The following TMTC2 variants were observed in gnomAD, a reference collection of about 807,000 sequenced individuals.
TMTC2 encodes the protein protein O-mannosyl-transferase TMTC2.
In TMTC2, 43 loss-of-function variants were observed where a neutral mutation model predicts 82.4. That is an observed-to-expected ratio of 0.52 (90% CI 0.41 to 0.67). The LOEUF (loss-of-function observed/expected upper bound fraction) is 0.67, where lower values mean the gene tolerates loss of function less well. Among genes scored for constraint, TMTC2 ranks in the 30% least tolerant of loss-of-function variants. The pLI is 0.00. For missense variants in TMTC2, 919 were observed against 1,012.4 expected (o/e 0.91, Z 1.25); for synonymous variants, 408 against 381.9 (o/e 1.07, Z -0.80).
chr12:82,940,580 T>C (rs1016767088), intron 4 of TMTC2, among the ~76,000 whole-genome samples: 6 of 152,076 alleles, frequency 3.9e-5, no homozygotes, highest in Non-Finnish European at 8.8e-5. Flanking sequence ...AGAAGGTTCT[T>C]TCTTGGAGTT....
intron 10 of TMTC2, among the ~76,000 whole-genome samples, chr12:83,057,543 G>A (rs1234344019): frequency 2.0e-5 from 3 of 151,792 alleles, no homozygotes; most frequent in Non-Finnish European, 4.4e-5. Flanking sequence ...ACATTTTTAT[G>A]TCTTTGATTA....
chr12:82,889,140 G>A (rs1873260835), intron 2 of TMTC2, among the ~76,000 whole-genome samples: 1 of 151,856 alleles, frequency 6.6e-6, no homozygotes, highest in Admixed American at 6.6e-5. Flanking sequence ...AGCCAGGCGT[G>A]GTGGCACACA....
intron 1 of TMTC2, among the ~76,000 whole-genome samples, chr12:82,698,402 C>A (rs371064989): frequency 2.6e-4 from 39 of 152,238 alleles, no homozygotes; most frequent in African/African-American, 8.4e-4. Flanking sequence ...CTGCCAACCA[C>A]AGAGTGAGAC....
At chr12:82,980,708 G>A (rs1269053674) in intron 7 of TMTC2, among the ~76,000 whole-genome samples, 2 of 151,814 alleles carry the variant, frequency 1.3e-5, no homozygotes, top group East Asian at 1.9e-4. Context: ...TCTAAAACGT[G>A]TATAATTTTT....
intron 10 of TMTC2, among the ~76,000 whole-genome samples, chr12:83,061,493 G>T (rs961931524): frequency 3.3e-5 from 5 of 151,644 alleles, no homozygotes; most frequent in African/African-American, 4.8e-5. Context: ...ACCTAGTTTT[G>T]CATGGAAAAG....
At chr12:82,889,403 A>C (rs959417660) in intron 2 of TMTC2, among the ~76,000 whole-genome samples, 2 of 152,168 alleles carry the variant, frequency 1.3e-5, no homozygotes, top group Non-Finnish European at 2.9e-5. Context: ...CAAGTTGTCA[A>C]ACCTTTTAGT....
intron 2 of TMTC2, among the ~76,000 whole-genome samples, chr12:82,876,084 A>G (rs1310382869): frequency 2.8e-4 from 30 of 105,976 alleles, no homozygotes; most frequent in East Asian, 9.2e-4. Context: ...GATGATGGTG[A>G]TTAGTATTCA....
chr12:83,116,557 G>A (rs1884768291), intron 11 of TMTC2, among the ~76,000 whole-genome samples: 1 of 152,206 alleles, frequency 6.6e-6, no homozygotes, highest in African/African-American at 2.4e-5. Context: ...GTCACCAGCA[G>A]TGTAGAAGTG....
At chr12:82,970,647 A>G (rs1278749387) in intron 7 of TMTC2, among the ~76,000 whole-genome samples, 1 of 152,202 alleles carries the variant, frequency 6.6e-6, no homozygotes, top group Non-Finnish European at 1.5e-5. Flanking sequence ...TAGGCTTTTA[A>G]ACTCCAAAAG....
At chr12:82,997,941 A>G (rs1440652427) in intron 8 of TMTC2, among the ~76,000 whole-genome samples, 1 of 152,178 alleles carries the variant, frequency 6.6e-6, no homozygotes, top group East Asian at 1.9e-4. Context: ...TTCAAGTTGA[A>G]TCCATTTATC....
At chr12:83,096,463 A>G (rs1884033469) in intron 11 of TMTC2, among the ~76,000 whole-genome samples, 1 of 152,216 alleles carries the variant, frequency 6.6e-6, no homozygotes, top group African/African-American at 2.4e-5. Flanking sequence ...GAGACAGGGT[A>G]ATTTATAAAG....
At chr12:83,049,437 G>A (rs1211852112) in intron 9 of TMTC2, among the ~76,000 whole-genome samples, 2 of 152,116 alleles carry the variant, frequency 1.3e-5, no homozygotes, top group African/African-American at 2.4e-5. Context: ...TCCTGTGTTA[G>A]TTTGCTTCAG....
intron 3 of TMTC2, among the ~76,000 whole-genome samples, chr12:82,926,806 G>A (rs1294830897): frequency 6.6e-6 from 1 of 152,138 alleles, no homozygotes; most frequent in Non-Finnish European, 1.5e-5. Context: ...CTCTGTTTAT[G>A]CTCTGTAAGT....
chr12:83,125,394 AT>A (rs1408696010), intron 11 of TMTC2, among the ~76,000 whole-genome samples: 1 of 152,196 alleles, frequency 6.6e-6, no homozygotes, highest in African/African-American at 2.4e-5. Context: ...TGTAGGTGAT[AT>A]TTTGTATGAT....
chr12:82,856,199 G>A (rs114566436), intron 1 of TMTC2, among the ~76,000 whole-genome samples: 2,259 of 152,332 alleles, frequency 0.015, 59 homozygotes, highest in African/African-American at 0.052. Flanking sequence ...CCTTCTTGAA[G>A]TCTGTTTGAA....
chr12:82,800,678 GACTT>G (rs1281548583), intron 1 of TMTC2, among the ~76,000 whole-genome samples: 1 of 152,164 alleles, frequency 6.6e-6, no homozygotes, highest in African/African-American at 2.4e-5. Flanking sequence ...GGAAATGTAT[GACTT>G]ACTGTCATTG....
intron 11 of TMTC2, among the ~76,000 whole-genome samples, chr12:83,128,869 A>C (rs1885174950): frequency 6.6e-6 from 1 of 152,188 alleles, no homozygotes; most frequent in Non-Finnish European, 1.5e-5. Flanking sequence ...CTTTGAAGAG[A>C]GAAAACAACC....
intron 11 of TMTC2, among the ~76,000 whole-genome samples, chr12:83,089,157 A>G (rs973264029): frequency 6.6e-6 from 1 of 152,204 alleles, no homozygotes; most frequent in Admixed American, 6.5e-5. Flanking sequence ...TGGTGGTTTC[A>G]CTTCAAGATG....
intron 1 of TMTC2, among the ~76,000 whole-genome samples, chr12:82,709,796 A>C (rs1457359780): frequency 2.0e-5 from 3 of 152,226 alleles, no homozygotes; most frequent in Non-Finnish European, 4.4e-5. Context: ...TTCAATCCTA[A>C]TGTTAATGTT....
Sources: allele counts gnomAD v4.1 joint callset (sites outside exome capture counted in the v4.1 genomes callset), GRCh38; gene constraint gnomAD v4.1.1; transcripts MANE v1.5; gene names NCBI Gene and HGNC (gene_info 2026-07-23, HGNC 2026-07-21).